SNX29: variants seen among roughly 807,000 people sequenced by gnomAD.
SNX29 encodes the protein sorting nexin 29.
In SNX29, 78 loss-of-function variants were observed where a neutral mutation model predicts 102.1. The observed-to-expected ratio is 0.76, with a 90% confidence interval of 0.64 to 0.92. The LOEUF is 0.92. SNX29 is among the 40% of genes least tolerant of loss of function. The pLI is 0.00. For synonymous variants in SNX29, 580 were observed against 414.5 expected (o/e 1.40, Z -4.85); for missense variants, 1,280 against 1,061.7 (o/e 1.21, Z -2.86).
intron 19 of SNX29, among the ~76,000 whole-genome samples, chr16:12,502,358 C>T (rs2089166826): frequency 6.6e-6 from 1 of 152,098 alleles, no homozygotes; most frequent in Admixed American, 6.6e-5. Flanking sequence ...CTTACGAGGG[C>T]GCTGTGAGGA....
chr16:12,362,287 C>G (rs62039994), intron 16 of SNX29, among the ~76,000 whole-genome samples: 4 of 151,794 alleles, frequency 2.6e-5, no homozygotes, highest in African/African-American at 9.7e-5. Flanking sequence ...CTCCCTTTAG[C>G]CTGGAAGGCT....
At chr16:12,439,495 G>A (rs558670611) in intron 18 of SNX29, among the ~76,000 whole-genome samples, 45 of 152,320 alleles carry the variant, frequency 3.0e-4, no homozygotes, top group African/African-American at 9.1e-4. Flanking sequence ...CAATCATGGC[G>A]GAAGGTGAAA....
At chr16:12,549,933 T>G (rs112290752) in intron 20 of SNX29, among the ~76,000 whole-genome samples, 4 of 152,178 alleles carry the variant, frequency 2.6e-5, no homozygotes, top group Non-Finnish European at 4.4e-5. Context: ...ACCCTCCACC[T>G]GTTTTTTATA....
intron 14 of SNX29, among the ~76,000 whole-genome samples, chr16:12,234,000 C>T (rs745382530): frequency 6.6e-6 from 1 of 152,162 alleles, no homozygotes; most frequent in Admixed American, 6.5e-5. Flanking sequence ...TTTACCCTTT[C>T]GTTAGTCGAT....
At chr16:12,422,251 A>G (rs1305654568) in intron 18 of SNX29, among the ~76,000 whole-genome samples, 1 of 152,194 alleles carries the variant, frequency 6.6e-6, no homozygotes, top group Non-Finnish European at 1.5e-5. Context: ...GTTGGGCCTC[A>G]GGTTACCCAT....
chr16:12,420,341 C>T (rs549583431), intron 18 of SNX29, among the ~76,000 whole-genome samples: 50 of 152,276 alleles, frequency 3.3e-4, no homozygotes, highest in African/African-American at 1.2e-3. Context: ...AGTGTTAGAC[C>T]CATCCTGATT....
rs78768915 is a variant in SNX29 at position 12,552,470 on chromosome 16, C to G, written c.2319-16036C>G. Among the ~76,000 whole-genome samples, 1,478 of 152,310 alleles carry G rather than the reference C, an allele frequency of 9.7e-3. 13 individuals carry two copies. The highest frequency in any genetic ancestry group is 0.025 in the African/African-American group (1,051 of 41,562). On this transcript the variant is annotated intron_variant, in intron 20 of 20. Coordinates refer to ENST00000566228, the MANE Select transcript of SNX29 (RefSeq NM_032167.5). ...GAAATACCTCGGGTCCATCTCATCA[C>G]CCAACGATTGGGCCTCAGGAATCTT...
chr16:12,283,167 G>A (rs892751401), intron 15 of SNX29, among the ~76,000 whole-genome samples: 3 of 152,122 alleles, frequency 2.0e-5, no homozygotes, highest in African/African-American at 7.2e-5. Flanking sequence ...TCAGTGTCCA[G>A]CCCTTAGCTT....
chr16:12,432,926 G>T (rs1219069175), intron 18 of SNX29, among the ~76,000 whole-genome samples: 1 of 152,230 alleles, frequency 6.6e-6, no homozygotes, highest in African/African-American at 2.4e-5. Flanking sequence ...AAGGGCTTTG[G>T]TGGACCGGAC....
At chr16:12,178,066 C>T (rs752104205) in intron 13 of SNX29, among the ~76,000 whole-genome samples, 1 of 152,202 alleles carries the variant, frequency 6.6e-6, no homozygotes, top group Non-Finnish European at 1.5e-5. Context: ...GGTAAATGCT[C>T]TATGTCATCT....
At chr16:12,536,467 G>A (rs533126154) in intron 20 of SNX29, among the ~76,000 whole-genome samples, 128 of 152,216 alleles carry the variant, frequency 8.4e-4, no homozygotes, top group South Asian at 1.5e-3. Context: ...AGGCTATGCC[G>A]TTTACTTTAT....
At chr16:12,210,012 CAA>C (rs1419152462) in intron 14 of SNX29, among the ~76,000 whole-genome samples, 2 of 152,208 alleles carry the variant, frequency 1.3e-5, no homozygotes, top group Non-Finnish European at 2.9e-5. Flanking sequence ...GTGGAACCTT[CAA>C]CATCGGGTAC....
At chr16:12,013,769 C>T (rs533871366) in intron 3 of SNX29, among the ~76,000 whole-genome samples, 171 of 151,098 alleles carry the variant, frequency 1.1e-3, no homozygotes, top group Admixed American at 3.5e-3. Flanking sequence ...CTCAGCCTCC[C>T]GAGTAGCTGG....
chr16:12,394,014 G>T (rs1485534235), intron 16 of SNX29, among the ~76,000 whole-genome samples: 1 of 152,196 alleles, frequency 6.6e-6, no homozygotes, highest in Non-Finnish European at 1.5e-5. Flanking sequence ...TATGTACTTG[G>T]CTCAGAGTCT....
At chr16:12,562,730 G>A (rs12929953) in intron 20 of SNX29, among the ~76,000 whole-genome samples, 11 of 152,026 alleles carry the variant, frequency 7.2e-5, no homozygotes, top group Non-Finnish European at 1.2e-4. Flanking sequence ...ACTGTTTCTC[G>A]CTTTTATGGC....
intron 16 of SNX29, among the ~76,000 whole-genome samples, chr16:12,390,149 G>T (rs926200638): frequency 2.6e-4 from 38 of 145,586 alleles, no homozygotes; most frequent in Admixed American, 9.6e-4. Flanking sequence ...GCAATTGAGG[G>T]GTGTGTGTGT....
intron 11 of SNX29, among the ~76,000 whole-genome samples, chr16:12,108,864 C>G (rs556325043): frequency 4.6e-4 from 70 of 152,150 alleles, no homozygotes; most frequent in Non-Finnish European, 8.7e-4. Flanking sequence ...GGCACAGTGG[C>G]TCACGCCTGT....
chr16:12,274,115 G>C (rs1437891653), intron 14 of SNX29, among the ~76,000 whole-genome samples: 1 of 152,114 alleles, frequency 6.6e-6, no homozygotes, highest in Non-Finnish European at 1.5e-5. Flanking sequence ...TTTATGTGCG[G>C]GGTAAAGTTT....
chr16:12,516,941 C>T (rs2089892436), intron 19 of SNX29, among the ~76,000 whole-genome samples: 1 of 152,184 alleles, frequency 6.6e-6, no homozygotes, highest in Non-Finnish European at 1.5e-5. Flanking sequence ...AATAGCTATT[C>T]TTCATTTGAT....
Sources: allele counts gnomAD v4.1 joint callset (sites outside exome capture counted in the v4.1 genomes callset), GRCh38; gene constraint gnomAD v4.1.1; transcripts MANE v1.5; gene names NCBI Gene and HGNC (gene_info 2026-07-23, HGNC 2026-07-21).